The following LDLRAD3 variants were observed in gnomAD, a reference collection of about 807,000 sequenced individuals.
LDLRAD3 encodes the protein low density lipoprotein receptor class A domain containing 3.
A neutral mutation model predicts 29.4 loss-of-function variants in LDLRAD3; 20 were observed. That is an observed-to-expected ratio of 0.68 (90% CI 0.48 to 0.99). The LOEUF is 0.99. Ranked by LOEUF, LDLRAD3 falls within the 50% of genes least tolerant of loss-of-function variation. The pLI is 0.00. For missense variants in LDLRAD3, 420 were observed against 454.3 expected, an observed-to-expected ratio of 0.92 and a Z score of 0.69; for synonymous variants, 157 against 192.7, an observed-to-expected ratio of 0.81 and a Z score of 1.53.
At chr11:36,126,515 T>C (rs1853840040) in intron 4 of LDLRAD3, among the ~76,000 whole-genome samples, 1 of 152,126 alleles carries the variant, frequency 6.6e-6, no homozygotes, top group African/African-American at 2.4e-5. Context: ...GGATTGGCCT[T>C]CGGTGTGGTC....
In LDLRAD3 at chr11:36,089,513, C is replaced by T. The variant is rs182349195; in HGVS notation, c.319+7735C>T. Among the ~76,000 whole-genome samples, 305 of 152,054 alleles carry T rather than the reference C, an allele frequency of 2.0e-3. 1 individual carries two copies. Among genetic ancestry groups the T allele is most frequent in the African/African-American group, 6.8e-3 (284 of 41,470 alleles). ...CACGATCTCGGCTAACTGCAACCTC[C>T]GCCTCCCGGGTTCAAGCAATTTTCC... On this transcript the variant is annotated intron_variant, in intron 3 of 5. Transcript: ENST00000315571.
intron 2 of LDLRAD3, among the ~76,000 whole-genome samples, chr11:36,079,013 C>T (rs951201438): frequency 2.6e-5 from 4 of 152,106 alleles, no homozygotes; most frequent in Admixed American, 6.5e-5. Flanking sequence ...GGTCTGGGAG[C>T]GGATCCTACC....
chr11:36,209,875 T>A (rs527992629), intron 4 of LDLRAD3, among the ~76,000 whole-genome samples: 22 of 152,242 alleles, frequency 1.4e-4, no homozygotes, highest in African/African-American at 5.1e-4. Flanking sequence ...TATGTGCTAA[T>A]ATATGCCTGT....
At chr11:36,115,513 T>C (rs1208157992) in intron 4 of LDLRAD3, among the ~76,000 whole-genome samples, 2 of 152,204 alleles carry the variant, frequency 1.3e-5, no homozygotes, top group African/African-American at 4.8e-5. Flanking sequence ...CATGTGGCCC[T>C]TGTGTTCCTG....
At chr11:36,004,541 C>T (rs1851861213) in intron 1 of LDLRAD3, among the ~76,000 whole-genome samples, 1 of 152,184 alleles carries the variant, frequency 6.6e-6, no homozygotes, top group South Asian at 2.1e-4. Context: ...GTGCCTGTGG[C>T]TTTTCCAGGT....
At chr11:35,960,975 G>T (rs887644369) in intron 1 of LDLRAD3, among the ~76,000 whole-genome samples, 1 of 152,204 alleles carries the variant, frequency 6.6e-6, no homozygotes, top group East Asian at 1.9e-4. Flanking sequence ...CTCATCTCCC[G>T]CTGAGGTGGA....
At chr11:35,976,738 G>A (rs1851481274) in intron 1 of LDLRAD3, among the ~76,000 whole-genome samples, 1 of 152,162 alleles carries the variant, frequency 6.6e-6, no homozygotes, top group South Asian at 2.1e-4. Context: ...AGGACACTAT[G>A]AGGTGTCTGA....
chr11:35,950,046 G>T (rs1156961749), intron 1 of LDLRAD3, among the ~76,000 whole-genome samples: 1 of 152,238 alleles, frequency 6.6e-6, no homozygotes, highest in Non-Finnish European at 1.5e-5. Flanking sequence ...CCCAGGCACT[G>T]TGTCTATTTC....
At chr11:36,089,209 T>C (rs539909653) in intron 3 of LDLRAD3, among the ~76,000 whole-genome samples, 105 of 152,312 alleles carry the variant, frequency 6.9e-4, no homozygotes, top group Admixed American at 1.0e-3. Flanking sequence ...AGCACTTACC[T>C]TGTGTATGGC....
intron 4 of LDLRAD3, among the ~76,000 whole-genome samples, chr11:36,158,897 CCAT>C (rs1854393706): frequency 6.6e-6 from 1 of 152,112 alleles, no homozygotes; most frequent in African/African-American, 2.4e-5. Context: ...ATTGGCACAT[CCAT>C]CACCTTATAT....
rs935772900 is a variant in LDLRAD3, at chr11:36,229,601, G to A, written c.*204G>A. 6 of 534,986 alleles carry A rather than the reference G, an allele frequency of 1.1e-5. No homozygotes were observed. Among genetic ancestry groups the A allele is most frequent in the Middle Eastern group, 4.3e-4 (1 of 2,324 alleles). 33.1% of individuals were successfully genotyped at this position (534,986 alleles called of 1,614,324 possible). On this transcript the variant is annotated 3_prime_UTR_variant, in exon 6 of 6. Transcript: ENST00000315571. ...TCTCAGTTGACATGATCTGTTGTGC[G>A]TCTTTTCTGTCAGGTCACTCTTCCC...
intron 2 of LDLRAD3, among the ~76,000 whole-genome samples, chr11:36,051,026 A>G (rs1357926319): frequency 2.0e-5 from 3 of 152,212 alleles, no homozygotes; most frequent in African/African-American, 7.2e-5. Context: ...CCAGCTCCCA[A>G]GAGCCCTGCC....
chr11:36,216,229 C>T (rs1855351574), intron 4 of LDLRAD3, among the ~76,000 whole-genome samples: 1 of 152,228 alleles, frequency 6.6e-6, no homozygotes, highest in Non-Finnish European at 1.5e-5. Flanking sequence ...CTTCCTCCAA[C>T]AGCCTGCCCA....
chr11:36,202,362 G>A (rs542751696), intron 4 of LDLRAD3, among the ~76,000 whole-genome samples: 1 of 152,244 alleles, frequency 6.6e-6, no homozygotes, highest in South Asian at 2.1e-4. Context: ...CTATAATGCA[G>A]GATGTAGGAA....
chr11:36,212,984 G>A (rs1855303708), intron 4 of LDLRAD3, among the ~76,000 whole-genome samples: 1 of 152,036 alleles, frequency 6.6e-6, no homozygotes, highest in Non-Finnish European at 1.5e-5. Context: ...AAATTTCCAG[G>A]GAAGTGTCTA....
chr11:36,022,855 T>C (rs1024872860), intron 1 of LDLRAD3, among the ~76,000 whole-genome samples: 2 of 152,228 alleles, frequency 1.3e-5, no homozygotes, highest in African/African-American at 4.8e-5. Context: ...TGATAGTCTC[T>C]TGCAAAGGTA....
intron 4 of LDLRAD3, among the ~76,000 whole-genome samples, chr11:36,159,938 T>C (rs1269874302): frequency 1.3e-5 from 2 of 152,092 alleles, no homozygotes; most frequent in African/African-American, 4.8e-5. Context: ...CGGCAACTCA[T>C]CAGCAACACA....
chr11:36,038,187 G>A (rs943368554), intron 2 of LDLRAD3, among the ~76,000 whole-genome samples: 1 of 152,114 alleles, frequency 6.6e-6, no homozygotes, highest in Non-Finnish European at 1.5e-5. Context: ...TTACAGATGT[G>A]AGCCACCAAG....
At chr11:36,140,655 G>A (rs911769615) in intron 4 of LDLRAD3, among the ~76,000 whole-genome samples, 2 of 152,052 alleles carry the variant, frequency 1.3e-5, no homozygotes, top group Non-Finnish European at 2.9e-5. Flanking sequence ...TCCTGGGATC[G>A]AGCGATCTGC....
Sources: allele counts gnomAD v4.1 joint callset (sites outside exome capture counted in the v4.1 genomes callset), GRCh38; gene constraint gnomAD v4.1.1; transcripts MANE v1.5; gene names NCBI Gene and HGNC (gene_info 2026-07-23, HGNC 2026-07-21).